Variants in CEP192 observed in about 807,000 individuals in gnomAD.
CEP192 encodes centrosomal protein 192.
In CEP192, 151 loss-of-function variants were observed where a neutral mutation model predicts 271.8. The observed-to-expected ratio is 0.56, with a 90% CI of 0.49 to 0.64. The LOEUF is 0.64. CEP192 is among the 30% of genes least tolerant of loss of function. The pLI is 0.00. For synonymous variants in CEP192, 995 were observed against 1,076.5 expected (o/e 0.92, Z 1.48); for missense variants, 2,910 against 3,020.5 (o/e 0.96, Z 0.86).
At chr18:13,085,572 T>G (rs1423711251) in intron 30 of CEP192, among the ~76,000 whole-genome samples, 3 of 152,232 alleles carry the variant, frequency 2.0e-5, no homozygotes, top group Admixed American at 6.5e-5. Flanking sequence ...AATTTTTGTA[T>G]AAGTTGTAAG....
At chr18:13,100,591 G>C (rs183600196) in intron 38 of CEP192, 79 bp downstream of exon 38, 32 of 1,147,432 alleles carry the variant, frequency 2.8e-5, no homozygotes, top group Middle Eastern at 2.5e-4. Context: ...CCATAAGTTG[G>C]TGATAAATAT....
Position 13,123,733 on chromosome 18 carries a change from G to A in CEP192, c.7476-899G>A, listed in dbSNP as rs373004077. ...CTTGTTAAATTGCATATTTTGAGGTGTATTTTGAAGCTCTTAGGACATAGT... is the reference window on the plus strand; with the variant it reads ...CTTGTTAAATTGCATATTTTGAGGTATATTTTGAAGCTCTTAGGACATAGT... On this transcript the variant is annotated intron_variant, in intron 44 of 44. Coordinates refer to ENST00000506447, the MANE Select transcript of CEP192 (RefSeq NM_032142.4). Among the ~76,000 whole-genome samples, 319 of 152,266 alleles carry A rather than the reference G, an allele frequency of 2.1e-3. 2 individuals are homozygous for A. The highest frequency in any genetic ancestry group is 7.2e-3 in the African/African-American group (300 of 41,542).
At chr18:13,105,197 G>T (rs2039893609) in intron 40 of CEP192, 118 bp downstream of exon 40, 1 of 730,168 alleles carries the variant, frequency 1.4e-6, no homozygotes, top group Non-Finnish European at 2.4e-6. Context: ...GAGCCAGTCT[G>T]CACACGAGAG....
chr18:13,111,683 A>G (rs985051851), intron 40 of CEP192, among the ~76,000 whole-genome samples: 4 of 152,228 alleles, frequency 2.6e-5, no homozygotes, highest in Non-Finnish European at 5.9e-5. Context: ...CATCAAGACA[A>G]TGAAAGACAG....
chr18:13,014,884 G>A (rs571530533), intron 5 of CEP192, among the ~76,000 whole-genome samples: 2 of 152,252 alleles, frequency 1.3e-5, no homozygotes, highest in East Asian at 3.9e-4. Flanking sequence ...ATGGCTGCGT[G>A]CCCTTTAGGG....
chr18:13,050,008 G>T (rs1488238437), intron 17 of CEP192, 117 bp downstream of exon 17: 4 of 799,398 alleles, frequency 5.0e-6, no homozygotes, highest in African/African-American at 1.8e-5. Context: ...GGTAACTCTT[G>T]TAAGCTGTGA....
Position 13,040,858 on chromosome 18 carries a change from C to T in CEP192, c.1838C>T (p.Pro613Leu). The T allele has an allele frequency of 6.3e-7, 1 of 1,596,140 alleles. No individual in the cohort carries two copies. The highest frequency in any genetic ancestry group is 1.3e-5 in the African/African-American group (1 of 74,346). ...RPSFGYFIRSPEKREPIALIR... is the reference protein window; with the variant it reads ...RPSFGYFIRSLEKREPIALIR... ...TCATTTGGCTATTTTATTAGATCACCAGAGAAGAGAGAACCTATTGCCTTA... is the reference window on the plus strand; with the variant it reads ...TCATTTGGCTATTTTATTAGATCACTAGAGAAGAGAGAACCTATTGCCTTA... Residue 613 changes from proline to leucine, a missense_variant, in exon 14 of 45, where the codon CCA (proline) becomes CTA (leucine). Transcript: ENST00000506447.
At chr18:13,074,364 G>A (rs538005530) in intron 30 of CEP192, among the ~76,000 whole-genome samples, 2 of 152,112 alleles carry the variant, frequency 1.3e-5, no homozygotes, top group African/African-American at 4.8e-5. Flanking sequence ...GTGCACCCAG[G>A]GGATACTGCC....
intron 21 of CEP192, among the ~76,000 whole-genome samples, chr18:13,065,493 A>G (rs1022742986): frequency 1.3e-5 from 2 of 152,226 alleles, no homozygotes; most frequent in Non-Finnish European, 2.9e-5. Flanking sequence ...AACTTATTCT[A>G]ATATAACAAC....
Position 13,071,055 on chromosome 18 carries a change from G to C in CEP192, c.5191G>C (p.Val1731Leu), listed in dbSNP as rs1167100843. 8 of 1,612,870 alleles carry C rather than the reference G, an allele frequency of 5.0e-6. No individual in the cohort carries two copies. Among genetic ancestry groups the C allele is most frequent in the Non-Finnish European group, 6.8e-6 (8 of 1,179,550 alleles). ...ACEERILKIF[V>L]QPFGPQYEVV... is the part of the protein sequence containing the mutation. ...CTTTCTTAGGATCTTGAAAATATTTGTGCAGCCATTTGGACCTCAGTATGA... is the reference window on the plus strand; with the variant it reads ...CTTTCTTAGGATCTTGAAAATATTTCTGCAGCCATTTGGACCTCAGTATGA... Residue 1731 changes from valine (V) to leucine (L), a missense_variant, in exon 28 of 45, where the codon GTG becomes CTG. Val to Leu is a conservative substitution (Grantham distance 32, BLOSUM62 1). Coordinates refer to ENST00000506447, the MANE Select transcript of CEP192 (RefSeq NM_032142.4).
chr18:13,100,522 C>CAGCAGACATTTGAATT lies in CEP192; in HGVS notation c.6871+11_6871+12insGCAGACATTTGAATTA. On this transcript the variant is annotated intron_variant, in intron 38 of 44. Coordinates refer to ENST00000506447, the MANE Select transcript of CEP192 (RefSeq NM_032142.4). The stretch of plus-strand genomic sequence containing the variant: ...CCTGGTGAAACTTCAGGTATTGTAT[C>CAGCAGACATTTGAATT]ACAAAATTATGTAATTCAAATGTCT... 1 of 1,579,066 alleles carries CAGCAGACATTTGAATT rather than the reference C, an allele frequency of 6.3e-7. No homozygotes were observed. The highest frequency in any genetic ancestry group is 8.7e-7 in the Non-Finnish European group (1 of 1,149,790).
At chr18:12,996,142 G>T (rs1397051715) in intron 1 of CEP192, among the ~76,000 whole-genome samples, 2 of 151,594 alleles carry the variant, frequency 1.3e-5, no homozygotes. Context: ...GAGGCCTGGA[G>T]ACCAAAGGCT....
intron 34 of CEP192, among the ~76,000 whole-genome samples, chr18:13,094,842 T>C (rs1219873953): frequency 6.6e-6 from 1 of 152,226 alleles, no homozygotes; most frequent in Non-Finnish European, 1.5e-5. Context: ...TTTCCACATT[T>C]ATACCCTTTT....
chr18:13,024,375 T>C (rs892613912), intron 9 of CEP192: 1 of 455,876 alleles, frequency 2.2e-6, no homozygotes, highest in South Asian at 1.6e-5. Flanking sequence ...TTAATCTACA[T>C]GTTGGTTTCT....
At chr18:13,124,507 C>T (rs1228876408) in intron 44 of CEP192, 125 bp from the exon 45 acceptor site, 2 of 785,026 alleles carry the variant, frequency 2.5e-6, no homozygotes, top group Non-Finnish European at 3.7e-6. Context: ...ATCATAAATA[C>T]ATTTAAGCTG....
At position 13,001,568 on chromosome 18, in the gene CEP192, C is replaced by T; in HGVS notation, c.276C>T (p.Ser92=). 6.5e-7 allele frequency: 1 copy of T among 1,548,274 alleles called. No individual in the cohort carries two copies. Among genetic ancestry groups the T allele is most frequent in the Non-Finnish European group, 8.7e-7 (1 of 1,145,984 alleles). ...AACCAAGAGAGAGGTTACAGCTTAG[C>T]TTCCAGGATGATGAGTAAGTTCATA... is the stretch of plus-strand genomic sequence containing the variant. ...DAEPRERLQL[S]FQDDDSISRK... Residue 92 remains serine (S), a synonymous_variant, in exon 3 of 45, where the codon AGC becomes AGT. Transcript: ENST00000506447.
intron 14 of CEP192, among the ~76,000 whole-genome samples, chr18:13,041,840 A>C (rs549989714): frequency 6.6e-6 from 1 of 152,308 alleles, no homozygotes; most frequent in East Asian, 1.9e-4. Context: ...TGCTGGGATC[A>C]CAGGCATGAG....
intron 15 of CEP192, among the ~76,000 whole-genome samples, chr18:13,047,367 A>G (rs1338451335): frequency 6.9e-6 from 1 of 145,570 alleles, no homozygotes; most frequent in African/African-American, 2.4e-5. Flanking sequence ...ACATACACAC[A>G]CACACACACA....
At chr18:13,085,495 C>T (rs529462251) in intron 30 of CEP192, among the ~76,000 whole-genome samples, 1 of 152,258 alleles carries the variant, frequency 6.6e-6, no homozygotes, top group East Asian at 1.9e-4. Flanking sequence ...ATGGTATTGC[C>T]TAGGTTTTCT....
Sources: allele counts gnomAD v4.1 joint callset (sites outside exome capture counted in the v4.1 genomes callset), GRCh38; gene constraint gnomAD v4.1.1; transcripts MANE v1.5; gene names NCBI Gene and HGNC (gene_info 2026-07-23, HGNC 2026-07-21).